Variants in ADAMTS18 observed in about 807,000 individuals in gnomAD.
ADAMTS18 encodes the protein A disintegrin and metalloproteinase with thrombospondin motifs 18.
ADAMTS18 carries 157 observed loss-of-function variants against 165.9 expected under a neutral mutation model. That is an observed-to-expected ratio of 0.95 (90% CI 0.83 to 1.08). The LOEUF (loss-of-function observed/expected upper bound fraction) is 1.08, where lower values mean the gene tolerates loss of function less well. Ranked by LOEUF, ADAMTS18 falls within the 50% of genes least tolerant of loss-of-function variation. ADAMTS18 has a pLI of 0.00. For synonymous variants in ADAMTS18, 782 were observed against 578.2 expected, an observed-to-expected ratio of 1.35 and a Z score of -5.06; for missense variants, 2,040 against 1,534.0, an observed-to-expected ratio of 1.33 and a Z score of -5.51.
At chr16:77,322,156 A>C (rs2056011907) in intron 14 of ADAMTS18, among the ~76,000 whole-genome samples, 180 bp downstream of exon 14, 2 of 9,396 alleles carry the variant, frequency 2.1e-4, no homozygotes, top group Non-Finnish European at 1.9e-4. Flanking sequence ...TTTCATCTCA[A>C]AAAAAAAAAA....
intron 4 of ADAMTS18, 89 bp downstream of exon 4, chr16:77,367,352 G>C (rs1191474804): frequency 6.7e-7 from 1 of 1,503,486 alleles, no homozygotes; most frequent in Non-Finnish European, 9.2e-7. Flanking sequence ...GCCCCATTTT[G>C]ACTTGCAAAG....
chr16:77,295,244 A>G, intron 18 of ADAMTS18, 117 bp from the exon 19 acceptor site: 1 of 1,009,452 alleles, frequency 9.9e-7, no homozygotes, highest in Non-Finnish European at 1.5e-6. Flanking sequence ...CAGAACCAAT[A>G]AGATAAGTTA....
chr16:77,284,755 T>TC (rs2055215887), intron 22 of ADAMTS18, among the ~76,000 whole-genome samples: 1 of 152,254 alleles, frequency 6.6e-6, no homozygotes, highest in African/African-American at 2.4e-5. Context: ...GCTTTAGGGA[T>TC]CCCCTAAGGA....
At position 77,307,760 on chromosome 16, in the gene ADAMTS18, C is replaced by T. The variant is rs190933239; in HGVS notation, c.2533-7356G>A. ...TCTTCACTCAGTCCATGCTACTTGG[C>T]TAATCTCCCTTCCCTTACACTGATT... is the stretch of plus-strand genomic sequence containing the variant. On this transcript the variant is annotated intron_variant, in intron 16 of 22. Transcript: ENST00000282849. Among the ~76,000 whole-genome samples, 122 of 152,274 alleles carry T rather than the reference C, an allele frequency of 8.0e-4. 2 individuals carry two copies. Among genetic ancestry groups the T allele is most frequent in the African/African-American group, 2.7e-3 (111 of 41,564 alleles).
chr16:77,417,331 T>A (rs999143079), intron 3 of ADAMTS18, among the ~76,000 whole-genome samples: 1 of 151,852 alleles, frequency 6.6e-6, no homozygotes, highest in Non-Finnish European at 1.5e-5. Context: ...GAAGAAGGCA[T>A]AGAGGGAAAA....
intron 3 of ADAMTS18, among the ~76,000 whole-genome samples, chr16:77,391,092 C>A (rs1466628916): frequency 6.6e-6 from 1 of 152,172 alleles, no homozygotes; most frequent in Non-Finnish European, 1.5e-5. Context: ...CATCAAGCCA[C>A]TTCTGAAATC....
intron 3 of ADAMTS18, among the ~76,000 whole-genome samples, chr16:77,410,555 T>C (rs2057448731): frequency 6.6e-6 from 1 of 152,220 alleles, no homozygotes; most frequent in Middle Eastern, 3.4e-3. Context: ...TTCAAATGAG[T>C]AAACTGAAGC....
chr16:77,367,019 A>G (rs1395323441), intron 4 of ADAMTS18, among the ~76,000 whole-genome samples: 1 of 152,146 alleles, frequency 6.6e-6, no homozygotes, highest in Non-Finnish European at 1.5e-5. Context: ...AACCATGCTC[A>G]AGGATACCTG....
chr16:77,373,481 A>G (rs934687805), intron 3 of ADAMTS18, among the ~76,000 whole-genome samples: 14 of 147,020 alleles, frequency 9.5e-5, no homozygotes, highest in African/African-American at 3.2e-4. Flanking sequence ...AAAAAAAAAG[A>G]AAGAAAAGAA....
chr16:77,334,153 A>G (rs1296217326), intron 12 of ADAMTS18, among the ~76,000 whole-genome samples: 4 of 100,668 alleles, frequency 4.0e-5, no homozygotes, highest in African/African-American at 1.6e-4. Context: ...TATTATATAT[A>G]ATATACAGTG....
At position 77,367,688 on chromosome 16, in the gene ADAMTS18, G is replaced by C; in HGVS notation, c.531C>G (p.Leu177=). The change falls in exon 4 of 23, where the codon CTC becomes CTG. Residue 177 remains leucine, a synonymous_variant. Coordinates refer to ENST00000282849, the MANE Select transcript of ADAMTS18 (RefSeq NM_199355.4). The part of the protein sequence containing the change: ...GLIRTRKNEF[L]ISPLPQLLAQ... Reference sequence around the variant, plus strand: ...CCAGAAGCTGAGGTAATGGCGAGATGAGGAATTCATTTTTTCGTGTCCTTA... The same window carrying C: ...CCAGAAGCTGAGGTAATGGCGAGATCAGGAATTCATTTTTTCGTGTCCTTA... 6 of 1,614,178 alleles carry C rather than the reference G, an allele frequency of 3.7e-6. No homozygotes were observed. Among genetic ancestry groups the C allele is most frequent in the Non-Finnish European group, 5.1e-6 (6 of 1,180,018 alleles).
At chr16:77,390,415 G>A (rs761007014) in intron 3 of ADAMTS18, among the ~76,000 whole-genome samples, 1 of 152,078 alleles carries the variant, frequency 6.6e-6, no homozygotes, top group South Asian at 2.1e-4. Context: ...GCCCTTGCCA[G>A]GTGCGATGGC....
chr16:77,285,075 C>T (rs2055221963), intron 22 of ADAMTS18, among the ~76,000 whole-genome samples: 1 of 152,094 alleles, frequency 6.6e-6, no homozygotes, highest in East Asian at 1.9e-4. Flanking sequence ...TTTCACTGTA[C>T]ATCAAGAATT....
intron 3 of ADAMTS18, among the ~76,000 whole-genome samples, chr16:77,368,334 A>G (rs2056828867): frequency 6.6e-6 from 1 of 152,058 alleles, no homozygotes; most frequent in Non-Finnish European, 1.5e-5. Flanking sequence ...GCTGCATTGC[A>G]TTTATGACCT....
intron 3 of ADAMTS18, among the ~76,000 whole-genome samples, chr16:77,423,089 T>A (rs1452755268): frequency 6.6e-6 from 1 of 152,212 alleles, no homozygotes. Context: ...GACCCACACA[T>A]ATTTTTCTTT....
At chr16:77,364,580 T>C (rs1328473405) in intron 4 of ADAMTS18, among the ~76,000 whole-genome samples, 199 bp from the exon 5 acceptor site, 1 of 145,840 alleles carries the variant, frequency 6.9e-6, no homozygotes, top group Non-Finnish European at 1.5e-5. Flanking sequence ...CAATAAATGT[T>C]TGGATGCACA....
At chr16:77,379,406 G>A (rs2056999900) in intron 3 of ADAMTS18, among the ~76,000 whole-genome samples, 1 of 152,210 alleles carries the variant, frequency 6.6e-6, no homozygotes, top group Admixed American at 6.5e-5. Flanking sequence ...ACTAAGCAAA[G>A]TGGACTTTAT....
chr16:77,301,940 T>TA (rs35810036), intron 16 of ADAMTS18, among the ~76,000 whole-genome samples: 5 of 146,742 alleles, frequency 3.4e-5, no homozygotes, highest in South Asian at 2.1e-4. Context: ...CAGTTGCCAA[T>TA]AAAAAAAAAT....
At chr16:77,379,874 A>C (rs915418284) in intron 3 of ADAMTS18, among the ~76,000 whole-genome samples, 2 of 152,122 alleles carry the variant, frequency 1.3e-5, no homozygotes, top group Non-Finnish European at 2.9e-5. Flanking sequence ...ACAGATGTTC[A>C]CTGAGTCCTC....
Sources: allele counts gnomAD v4.1 joint callset (sites outside exome capture counted in the v4.1 genomes callset), GRCh38; gene constraint gnomAD v4.1.1; transcripts MANE v1.5; gene names NCBI Gene and HGNC (gene_info 2026-07-23, HGNC 2026-07-21).